Variants in ENOX1 observed in about 807,000 individuals in gnomAD.
ENOX1 encodes ecto-NOX disulfide-thiol exchanger 1, also known as candidate growth-related and time keeping constitutive hydroquinone (NADH) oxidase.
A neutral mutation model predicts 82.5 loss-of-function variants in ENOX1; 42 were observed. That is an observed-to-expected ratio of 0.51 (90% CI 0.40 to 0.66). The LOEUF (loss-of-function observed/expected upper bound fraction) is 0.66, where lower values mean the gene tolerates loss of function less well. ENOX1 is among the 30% of genes least tolerant of loss of function. The pLI, the probability that ENOX1 is intolerant of heterozygous loss-of-function variation, is 0.00. For missense variants in ENOX1, 608 were observed against 811.6 expected, an observed-to-expected ratio of 0.75 and a Z score of 3.05; for synonymous variants, 271 against 282.2, an observed-to-expected ratio of 0.96 and a Z score of 0.40.
intron 1 of ENOX1, among the ~76,000 whole-genome samples, chr13:43,765,393 C>G (rs1249977061): frequency 6.6e-6 from 1 of 152,142 alleles, no homozygotes; most frequent in Non-Finnish European, 1.5e-5. Flanking sequence ...TCTTCTGTGT[C>G]TCTGCTTTGA....
chr13:43,692,456 G>GA (rs879260246), intron 1 of ENOX1, among the ~76,000 whole-genome samples: 69 of 150,146 alleles, frequency 4.6e-4, no homozygotes, highest in East Asian at 1.2e-3. Flanking sequence ...TTTCAATTGG[G>GA]AAAAAAAAAT....
chr13:43,701,252 C>T (rs768791513), intron 1 of ENOX1, among the ~76,000 whole-genome samples: 6 of 152,132 alleles, frequency 3.9e-5, no homozygotes, highest in African/African-American at 1.2e-4. Context: ...TAAAAAATAA[C>T]ATTTCTCAAG....
chr13:43,564,199 T>C (rs1201684738), intron 2 of ENOX1, among the ~76,000 whole-genome samples: 1 of 151,964 alleles, frequency 6.6e-6, no homozygotes. Context: ...ATTGAAGAGG[T>C]CTCAAAAAAT....
At chr13:43,386,443 C>T (rs1438411855) in intron 5 of ENOX1, among the ~76,000 whole-genome samples, 1 of 152,148 alleles carries the variant, frequency 6.6e-6, no homozygotes, top group Non-Finnish European at 1.5e-5. Flanking sequence ...AGCCTGGGAA[C>T]ACTCTTCTAT....
chr13:43,392,284 A>G (rs1358342423), intron 5 of ENOX1, among the ~76,000 whole-genome samples: 1 of 152,264 alleles, frequency 6.6e-6, no homozygotes, highest in Non-Finnish European at 1.5e-5. Flanking sequence ...CACAATCAGA[A>G]TATGAGCTCC....
intron 16 of ENOX1, among the ~76,000 whole-genome samples, chr13:43,218,004 A>G (rs1200734250): frequency 6.6e-6 from 1 of 152,214 alleles, no homozygotes; most frequent in Non-Finnish European, 1.5e-5. Flanking sequence ...AAGTCATTTA[A>G]TATCAAGGAT....
At chr13:43,356,459 C>A (rs73178358) in intron 7 of ENOX1, among the ~76,000 whole-genome samples, 1 of 152,156 alleles carries the variant, frequency 6.6e-6, no homozygotes, top group African/African-American at 2.4e-5. Flanking sequence ...TTATCATGAT[C>A]ATTCCTTCTT....
intron 2 of ENOX1, among the ~76,000 whole-genome samples, chr13:43,555,707 C>T (rs2079403711): frequency 6.6e-6 from 1 of 152,122 alleles, no homozygotes; most frequent in South Asian, 2.1e-4. Flanking sequence ...TACAAAGACC[C>T]AATTCATGTA....
chr13:43,666,151 T>C (rs1187345981), intron 2 of ENOX1, among the ~76,000 whole-genome samples: 1 of 152,032 alleles, frequency 6.6e-6, no homozygotes, highest in African/African-American at 2.4e-5. Flanking sequence ...AGTGTAAGCA[T>C]GTGCTGTTGG....
chr13:43,752,441 A>C (rs1950374438), intron 1 of ENOX1, among the ~76,000 whole-genome samples: 2 of 152,190 alleles, frequency 1.3e-5, no homozygotes, highest in Non-Finnish European at 2.9e-5. Context: ...TGTCATATCT[A>C]AGAAATCTTT....
chr13:43,626,074 T>C (rs997284491), intron 2 of ENOX1, among the ~76,000 whole-genome samples: 5 of 151,880 alleles, frequency 3.3e-5, no homozygotes, highest in African/African-American at 1.2e-4. Context: ...TGTGGTAGCC[T>C]GTGTTTTTCA....
intron 3 of ENOX1, among the ~76,000 whole-genome samples, chr13:43,429,657 G>T (rs897976316): frequency 2.6e-5 from 4 of 152,190 alleles, no homozygotes; most frequent in African/African-American, 7.2e-5. Flanking sequence ...TTGGAGCCAT[G>T]CTTGGGGACC....
intron 5 of ENOX1, among the ~76,000 whole-genome samples, chr13:43,406,736 G>A (rs1279392020): frequency 1.3e-5 from 2 of 151,810 alleles, no homozygotes; most frequent in Non-Finnish European, 2.9e-5. Flanking sequence ...CTCTTGATCC[G>A]CCTGCCTCAG....
At chr13:43,663,253 A>C (rs890221120) in intron 2 of ENOX1, among the ~76,000 whole-genome samples, 1 of 152,130 alleles carries the variant, frequency 6.6e-6, no homozygotes, top group Non-Finnish European at 1.5e-5. Context: ...CATACAAAAG[A>C]AGCTTCAACA....
intron 9 of ENOX1, among the ~76,000 whole-genome samples, chr13:43,339,138 A>G (rs1566549883): frequency 1.3e-5 from 2 of 152,230 alleles, no homozygotes; most frequent in Admixed American, 6.5e-5. Context: ...CTAAACACCA[A>G]CAAAGCTAGA....
chr13:43,322,043 T>G (rs1024862228), intron 11 of ENOX1, among the ~76,000 whole-genome samples: 1 of 152,248 alleles, frequency 6.6e-6, no homozygotes, highest in Non-Finnish European at 1.5e-5. Flanking sequence ...ACAATTCCCA[T>G]GTAAGAAGTA....
chr13:43,443,143 A>G (rs938756548), intron 3 of ENOX1, among the ~76,000 whole-genome samples: 1 of 152,198 alleles, frequency 6.6e-6, no homozygotes, highest in African/African-American at 2.4e-5. Flanking sequence ...AGTGCATTTT[A>G]ACACATACTT....
intron 9 of ENOX1, among the ~76,000 whole-genome samples, chr13:43,335,423 T>A (rs560319732): frequency 5.3e-5 from 8 of 152,232 alleles, no homozygotes; most frequent in East Asian, 1.9e-4. Context: ...TTTGTAAAAA[T>A]TTTTTTTATG....
intron 2 of ENOX1, among the ~76,000 whole-genome samples, chr13:43,486,695 G>GA (rs2076432311): frequency 6.6e-6 from 1 of 152,154 alleles, no homozygotes; most frequent in South Asian, 2.1e-4. Flanking sequence ...AACCAAACTG[G>GA]CGGGGGTGTT....
Sources: gnomAD v4.1 joint callset for allele counts (sites outside exome capture counted in the v4.1 genomes callset) on GRCh38, gnomAD v4.1.1 for gene constraint, MANE v1.5 for transcripts, NCBI Gene and HGNC (gene_info 2026-07-23, HGNC 2026-07-21) for gene names.